The following ADRA1B variants were observed in gnomAD, a reference collection of about 807,000 sequenced individuals.
The protein encoded by ADRA1B is alpha-1B adrenergic receptor.
A neutral mutation model predicts 17.9 loss-of-function variants in ADRA1B; 17 were observed. The ratio of observed to expected loss-of-function variants is 0.95; its 90% confidence interval spans 0.65 to 1.42. The LOEUF (loss-of-function observed/expected upper bound fraction) is 1.42, where lower values mean the gene tolerates loss of function less well. ADRA1B is among the 40% of genes most tolerant of loss of function. The pLI is 0.00. For synonymous variants in ADRA1B, 366 were observed against 327.6 expected, an observed-to-expected ratio of 1.12 and a Z score of -1.27; for missense variants, 681 against 722.1, an observed-to-expected ratio of 0.94 and a Z score of 0.65.
At chr5:159,976,771 A>G (rs1210866135), downstream of ADRA1B, among the ~76,000 whole-genome samples, 1 of 152,234 alleles carries the variant, frequency 6.6e-6, no homozygotes, top group Non-Finnish European at 1.5e-5. Context: ...AGGTGACAAA[A>G]CCAAAATGGG....
rs571567305 is a variant in ADRA1B, at chr5:159,917,248, C to A, written c.343C>A (p.Arg115=). ...GGTGCTCGGCTACTGGGTGCTGGGG[C>A]GGATCTTCTGTGACATCTGGGCAGC... ...LEVLGYWVLG[R]IFCDIWAAVD... The change falls in exon 1 of 2, where the codon CGG becomes AGG. Residue 115 remains arginine, a synonymous_variant. Coordinates refer to ENST00000306675, the MANE Select transcript of ADRA1B (RefSeq NM_000679.4). The A allele has an allele frequency of 2.3e-5, 37 of 1,614,134 alleles. 1 individual carries two copies. In the Admixed American group the frequency reaches 5.8e-4, roughly 25 times the overall value.
Position 159,891,933 on chromosome 5 carries a change from G to A in ADRA1B, c.-255-24186G>A, listed in dbSNP as rs574267031. Among the ~76,000 whole-genome samples, 94 of 152,282 alleles carry A rather than the reference G, an allele frequency of 6.2e-4. No individual in the cohort carries two copies. The Middle Eastern group carries it at 0.01, about 17-fold the overall frequency. On this transcript the variant is annotated intron_variant, in intron 1 of 2. Coordinates refer to the ADRA1B transcript ENST00000641205. ...CTGAAATTTGAAAGGGGTTCCTCGT[G>A]ATAAATGAAAGTAACAGCTATCTGG... is the stretch of plus-strand genomic sequence containing the variant.
At chr5:159,881,955 AGAAG>A (rs1240307325) in intron 1 of ADRA1B, among the ~76,000 whole-genome samples, 1 of 152,158 alleles carries the variant, frequency 6.6e-6, no homozygotes, top group African/African-American at 2.4e-5. Flanking sequence ...TCGCTTTTGC[AGAAG>A]GACATTGCAC....
chr5:159,963,306 A>ATATATATATATATATATATATATC (rs1561610064), intron 1 of ADRA1B, among the ~76,000 whole-genome samples: 8 of 150,156 alleles, frequency 5.3e-5, no homozygotes, highest in African/African-American at 2.0e-4. Flanking sequence ...ATATATATAT[A>ATATATATATATATATATATATATC]TATCCACACA....
chr5:159,983,299 T>C, the ADRA1B span, among the ~76,000 whole-genome samples: 2 of 152,130 alleles, frequency 1.3e-5, no homozygotes, highest in Non-Finnish European at 2.9e-5. Flanking sequence ...TCCAAGAGAA[T>C]ACCCTGGACA....
At chr5:159,945,969 G>C (rs1037600711) in intron 1 of ADRA1B, among the ~76,000 whole-genome samples, 1 of 152,102 alleles carries the variant, frequency 6.6e-6, no homozygotes, top group East Asian at 1.9e-4. Context: ...GGATGGTCTT[G>C]ATCTTCTGAC....
chr5:159,952,935 T>C (rs1202554462), intron 1 of ADRA1B, among the ~76,000 whole-genome samples: 1 of 152,202 alleles, frequency 6.6e-6, no homozygotes, highest in Non-Finnish European at 1.5e-5. Context: ...CCTTCTTACA[T>C]TATAGGCTTT....
chr5:159,983,803 G>A, the ADRA1B span, among the ~76,000 whole-genome samples: 5 of 152,014 alleles, frequency 3.3e-5, no homozygotes, highest in African/African-American at 1.2e-4. Flanking sequence ...TTCTTCCTCT[G>A]TTGACCCATG....
chr5:159,894,395 A>C (rs1754020235), intron 1 of ADRA1B, among the ~76,000 whole-genome samples: 1 of 152,202 alleles, frequency 6.6e-6, no homozygotes, highest in Non-Finnish European at 1.5e-5. Flanking sequence ...AATACCATAT[A>C]ATACGCTCTA....
chr5:159,972,220 C>G lies in ADRA1B; in HGVS notation c.1291C>G (p.Leu431Val). The G allele has an allele frequency of 7.5e-7, 1 of 1,339,364 alleles. No homozygotes were observed. The allele number at this position is 1,339,364 out of a possible 1,614,324, so 83.0% of individuals were successfully genotyped here. ...LPSASPSPGY[L>V]GRGAPPPVEL... ...CTCGGCCTCGCCGAGCCCGGGCTAC[C>G]TGGGCCGCGGCGCGCCACCGCCAGT... is the stretch of plus-strand genomic sequence containing the variant. Residue 431 changes from leucine (L) to valine (V), a missense_variant, in exon 2 of 2, where the codon CTG (leucine) becomes GTG (valine). By Grantham distance (32) the Leu-to-Val change is conservative. This residue lies in a region of ADRA1B where 251 missense variants were observed against 224.9 expected (regional missense o/e 1.12). Transcript: ENST00000306675.
chr5:159,897,490 A>G (rs1754051719), intron 1 of ADRA1B, among the ~76,000 whole-genome samples: 1 of 152,142 alleles, frequency 6.6e-6, no homozygotes, highest in Non-Finnish European at 1.5e-5. Context: ...CATCTAAAAA[A>G]AAAAAAGAAA....
chr5:159,910,332 G>T (rs1173253812), intron 1 of ADRA1B, among the ~76,000 whole-genome samples: 1 of 152,100 alleles, frequency 6.6e-6, no homozygotes, highest in Non-Finnish European at 1.5e-5. Flanking sequence ...CACACATCTG[G>T]GTCAACTAAA....
At chr5:159,904,144 C>A (rs1754132924) in intron 1 of ADRA1B, among the ~76,000 whole-genome samples, 1 of 152,160 alleles carries the variant, frequency 6.6e-6, no homozygotes, top group African/African-American at 2.4e-5. Context: ...AAGCTGCTTG[C>A]ATTTGTTTAG....
Position 159,916,687 on chromosome 5 carries a change from T to TCTC in ADRA1B, c.-205_-203dup, listed in dbSNP as rs1210581253. On this transcript the variant is annotated 5_prime_UTR_variant, in exon 1 of 2. Coordinates refer to ENST00000306675, the MANE Select transcript of ADRA1B (RefSeq NM_000679.4). The stretch of plus-strand genomic sequence containing the variant: ...AACTTGGAGCTGCCGCCTCGTCCCC[T>TCTC]CTCCTCCTCCTCCTCCCTCTGACAG... 7 of 458,612 alleles carry TCTC rather than the reference T, an allele frequency of 1.5e-5. No individual in the cohort carries two copies. The highest frequency in any genetic ancestry group is 1.2e-4 in the East Asian group (3 of 25,928). 28.4% of individuals were successfully genotyped at this position (458,612 alleles called of 1,614,324 possible).
chr5:159,955,154 G>A, intron 1 of ADRA1B: 1 of 985,434 alleles, frequency 1.0e-6, no homozygotes, highest in South Asian at 4.7e-5. Flanking sequence ...CTGGTGAGAA[G>A]ACAAGACACC....
chr5:159,966,850 CA>C (rs1247625236), intron 1 of ADRA1B, among the ~76,000 whole-genome samples: 2 of 152,140 alleles, frequency 1.3e-5, no homozygotes, highest in African/African-American at 4.8e-5. Flanking sequence ...CCGTAATAGC[CA>C]AAAATTGGAA....
intron 1 of ADRA1B, among the ~76,000 whole-genome samples, chr5:159,909,403 G>A (rs888236282): frequency 6.6e-6 from 1 of 152,194 alleles, no homozygotes; most frequent in Non-Finnish European, 1.5e-5. Context: ...ATTTTTGGAT[G>A]ACCCCAAGGA....
chr5:159,896,996 T>G (rs1229939154), intron 1 of ADRA1B, among the ~76,000 whole-genome samples: 1 of 152,202 alleles, frequency 6.6e-6, no homozygotes, highest in African/African-American at 2.4e-5. Context: ...CCTGCATATC[T>G]TTTATTCTTT....
At chr5:159,946,510 C>G (rs772039546) in intron 1 of ADRA1B, among the ~76,000 whole-genome samples, 7 of 152,212 alleles carry the variant, frequency 4.6e-5, no homozygotes, top group Non-Finnish European at 8.8e-5. Flanking sequence ...CTCTGGCATT[C>G]CAAGTGTGTG....
Sources: allele counts gnomAD v4.1 joint callset (sites outside exome capture counted in the v4.1 genomes callset), GRCh38; gene constraint gnomAD v4.1.1; regional missense constraint gnomAD v4.1.1; transcripts MANE v1.5; gene names NCBI Gene and HGNC (gene_info 2026-07-23, HGNC 2026-07-21).